The following DPF3 variants were observed in gnomAD, a reference collection of about 807,000 sequenced individuals.
DPF3 encodes double PHD fingers 3, also known as zinc finger protein DPF3.
Under a neutral mutation model 56.8 loss-of-function variants are expected in DPF3, and 18 were observed. The ratio of observed to expected loss-of-function variants is 0.32; its 90% confidence interval spans 0.22 to 0.47. DPF3 has a LOEUF of 0.47. DPF3 is among the 20% of genes least tolerant of loss of function. The probability of loss-of-function intolerance (pLI) is 1.00; values close to 1 mark genes in which losing one functional copy is unlikely to be tolerated. For synonymous variants in DPF3, 188 were observed against 180.2 expected (o/e 1.04, Z -0.35); for missense variants, 403 against 488.8 (o/e 0.82, Z 1.65).
At position 72,785,219 on chromosome 14, in the gene DPF3, T is replaced by C. The variant is rs992039006; in HGVS notation, c.33-13326A>G. Among the ~76,000 whole-genome samples the C allele has an allele frequency of 5.3e-5, 8 of 152,220 alleles. No homozygotes were observed. In the South Asian group the frequency reaches 1.5e-3, roughly 28 times the overall value. ...AGGATGCTGGTTATAGTAGCAATAG[T>C]GGCATAGCTAATATTTATTGAGCAT... On this transcript the variant is annotated intron_variant, in intron 1 of 10. Transcript: ENST00000556509.
intron 1 of DPF3, among the ~76,000 whole-genome samples, chr14:72,783,146 A>G (rs1399902530): frequency 1.3e-5 from 2 of 152,062 alleles, no homozygotes; most frequent in African/African-American, 4.8e-5. Flanking sequence ...CTCCTCTGAG[A>G]TGTCTTCTTA....
intron 1 of DPF3, among the ~76,000 whole-genome samples, chr14:72,787,218 C>A (rs573619910): frequency 3.2e-4 from 48 of 152,364 alleles, no homozygotes; most frequent in African/African-American, 1.0e-3. Context: ...AGGATATGCA[C>A]ACGGCCCACA....
At chr14:72,763,211 C>T (rs1293068598) in intron 2 of DPF3, among the ~76,000 whole-genome samples, 2 of 152,008 alleles carry the variant, frequency 1.3e-5, no homozygotes, top group African/African-American at 4.8e-5. Context: ...ACAATCCCAA[C>T]CAAACTCCTA....
At chr14:72,664,315 A>G (rs549025951) in intron 8 of DPF3, among the ~76,000 whole-genome samples, 2 of 151,590 alleles carry the variant, frequency 1.3e-5, no homozygotes, top group East Asian at 3.9e-4. Flanking sequence ...AGTTTCTTCA[A>G]ATTTCCACCC....
intron 1 of DPF3, among the ~76,000 whole-genome samples, chr14:72,811,278 GACAA>G (rs1323510430): frequency 1.3e-5 from 2 of 152,186 alleles, no homozygotes; most frequent in Non-Finnish European, 2.9e-5. Context: ...CTTTGCAGGG[GACAA>G]ACATTCAAAT....
chr14:72,645,701 T>C (rs547280008), intron 8 of DPF3, among the ~76,000 whole-genome samples: 2 of 152,280 alleles, frequency 1.3e-5, no homozygotes, highest in East Asian at 3.9e-4. Context: ...AGCTGCCTTT[T>C]TAAGATTTCT....
intron 6 of DPF3, among the ~76,000 whole-genome samples, chr14:72,703,248 T>C (rs1213420624): frequency 6.6e-6 from 1 of 152,140 alleles, no homozygotes; most frequent in Non-Finnish European, 1.5e-5. Flanking sequence ...TATTTTAAGC[T>C]GAATTCCTTT....
At chr14:72,867,450 C>T (rs544295188) in intron 1 of DPF3, among the ~76,000 whole-genome samples, 2 of 152,254 alleles carry the variant, frequency 1.3e-5, no homozygotes, top group African/African-American at 4.8e-5. Context: ...CACTAGCTCT[C>T]CTATGAGCTG....
intron 6 of DPF3, among the ~76,000 whole-genome samples, chr14:72,701,129 A>G (rs1888141568): frequency 6.6e-6 from 1 of 152,214 alleles, no homozygotes; most frequent in Non-Finnish European, 1.5e-5. Flanking sequence ...AGCAGCAGAG[A>G]GGGTCATGCC....
chr14:72,782,600 T>C (rs1892025267), intron 1 of DPF3, among the ~76,000 whole-genome samples: 1 of 152,154 alleles, frequency 6.6e-6, no homozygotes, highest in Non-Finnish European at 1.5e-5. Context: ...TTTGGGAGGC[T>C]GAGGTGGGTG....
At chr14:72,813,605 A>AT (rs1883158433) in intron 1 of DPF3, among the ~76,000 whole-genome samples, 1 of 152,052 alleles carries the variant, frequency 6.6e-6, no homozygotes, top group African/African-American at 2.4e-5. Flanking sequence ...CAGAAATGAC[A>AT]TTTTGTCAGA....
chr14:72,695,891 C>T (rs562398924), intron 6 of DPF3, among the ~76,000 whole-genome samples: 41 of 152,116 alleles, frequency 2.7e-4, no homozygotes, highest in Non-Finnish European at 5.7e-4. Flanking sequence ...CATATATTCT[C>T]TCTTCCTCTC....
intron 2 of DPF3, among the ~76,000 whole-genome samples, chr14:72,753,877 T>G (rs1230111605): frequency 2.6e-5 from 4 of 152,098 alleles, no homozygotes; most frequent in African/African-American, 9.7e-5. Context: ...CACTCCCAGC[T>G]GCTGGCAGCT....
chr14:72,875,363 C>T (rs754704123), intron 1 of DPF3, among the ~76,000 whole-genome samples: 12 of 152,086 alleles, frequency 7.9e-5, no homozygotes, highest in Non-Finnish European at 1.3e-4. Flanking sequence ...GCCATGATTG[C>T]GCCACTGCAT....
At chr14:72,800,020 G>A (rs1266580892) in intron 1 of DPF3, among the ~76,000 whole-genome samples, 2 of 152,160 alleles carry the variant, frequency 1.3e-5, no homozygotes, top group Admixed American at 6.5e-5. Context: ...TAAGCACTAT[G>A]AGTTGAGTTT....
At chr14:72,724,784 A>G (rs769276747) in intron 4 of DPF3, among the ~76,000 whole-genome samples, 36 of 151,628 alleles carry the variant, frequency 2.4e-4, no homozygotes, top group Non-Finnish European at 4.1e-4. Flanking sequence ...TCACGGCTCA[A>G]TGCAGCCTCA....
intron 2 of DPF3, among the ~76,000 whole-genome samples, chr14:72,770,747 A>T (rs10220553): frequency 0.48 from 72,364 of 152,102 alleles, 19,754 homozygotes; most frequent in Non-Finnish European, 0.6. Flanking sequence ...TTTCCAAATG[A>T]AACATTTTTA....
rs868387078 is a variant in DPF3, at chr14:72,686,933, G to A, written c.742+6143C>T. 7.2e-5 allele frequency among the ~76,000 whole-genome samples: 11 copies of A among 152,270 alleles called. No homozygotes were observed. The South Asian group carries it at 8.3e-4, about 11-fold the overall frequency. On this transcript the variant is annotated intron_variant, in intron 7 of 10. Coordinates refer to ENST00000556509, the MANE Select transcript of DPF3 (RefSeq NM_001280542.3). ...ACTCTATCTCTTAAAGCTTTTGGCC[G>A]CCCTCAAGCCATATGTTAGAGGACA... is the stretch of plus-strand genomic sequence containing the variant.
chr14:72,611,577 T>G lies in DPF3; in HGVS notation c.*7720A>C, dbSNP rs1883727974. Among the ~76,000 whole-genome samples, 2 of 152,096 alleles carry G rather than the reference T, an allele frequency of 1.3e-5. No homozygotes were observed. ...AAAGACCACTGTGGGGGTCATTTTC[T>G]GCCTCTGATCAGGCCCTGCCAGTTG... On this transcript the variant is annotated 3_prime_UTR_variant, in exon 11 of 11. Coordinates refer to ENST00000556509, the MANE Select transcript of DPF3 (RefSeq NM_001280542.3).
Sources: gnomAD v4.1 joint callset for allele counts (sites outside exome capture counted in the v4.1 genomes callset) on GRCh38, gnomAD v4.1.1 for gene constraint, MANE v1.5 for transcripts, NCBI Gene and HGNC (gene_info 2026-07-23, HGNC 2026-07-21) for gene names.